Variants in ANKRD44 observed in about 807,000 individuals in gnomAD.
ANKRD44 encodes ankyrin repeat domain 44.
Under a neutral mutation model 116.0 loss-of-function variants are expected in ANKRD44, and 35 were observed. The ratio of observed to expected loss-of-function variants is 0.30; its 90% CI spans 0.23 to 0.40. ANKRD44 has a LOEUF of 0.40. Ranked by LOEUF, ANKRD44 falls within the 10% of genes least tolerant of loss-of-function variation. The pLI is 1.00. For missense variants in ANKRD44, 1,014 were observed against 1,242.6 expected (o/e 0.82, Z 2.77); for synonymous variants, 435 against 461.8 (o/e 0.94, Z 0.74).
chr2:197,154,713 G>A (rs912741393), intron 2 of ANKRD44, among the ~76,000 whole-genome samples: 1 of 152,074 alleles, frequency 6.6e-6, no homozygotes, highest in African/African-American at 2.4e-5. Context: ...GTTACCATAA[G>A]AGAAAAATTT....
chr2:197,175,916 G>A (rs1574204773), intron 2 of ANKRD44, among the ~76,000 whole-genome samples: 1 of 152,120 alleles, frequency 6.6e-6, no homozygotes, highest in Non-Finnish European at 1.5e-5. Context: ...TTCATAATAG[G>A]AACCCTGATT....
At chr2:197,077,623 T>C (rs1253286669) in intron 16 of ANKRD44, among the ~76,000 whole-genome samples, 3 of 152,192 alleles carry the variant, frequency 2.0e-5, no homozygotes, top group South Asian at 2.1e-4. Context: ...TAGGAATACA[T>C]AAAACTTTCT....
chr2:197,223,614 A>C (rs1488131362), intron 1 of ANKRD44, among the ~76,000 whole-genome samples: 1 of 152,168 alleles, frequency 6.6e-6, no homozygotes, highest in African/African-American at 2.4e-5. Flanking sequence ...CTCTTGCATT[A>C]ATTTCCTTTT....
chr2:196,989,061 G>A lies in ANKRD44; in HGVS notation c.*530C>T. 1.0e-6 allele frequency: 1 copy of A among 985,370 alleles called. No individual in the cohort carries two copies. The highest frequency in any genetic ancestry group is 1.2e-6 in the Non-Finnish European group (1 of 829,976). The allele number at this position is 985,370 out of a possible 1,614,324, so 61.0% of individuals were successfully genotyped here. Reference sequence around the variant, plus strand: ...CGCGGAAGAACCTGAGGGTCATCTGGAAACCTTAGCAGTGGAAATGCTAGG... The same window carrying A: ...CGCGGAAGAACCTGAGGGTCATCTGAAAACCTTAGCAGTGGAAATGCTAGG... On this transcript the variant is annotated 3_prime_UTR_variant, in exon 28 of 28. Transcript: ENST00000282272.
At chr2:197,063,749 G>A (rs1379902440) in intron 16 of ANKRD44, among the ~76,000 whole-genome samples, 1 of 152,128 alleles carries the variant, frequency 6.6e-6, no homozygotes, top group Non-Finnish European at 1.5e-5. Flanking sequence ...GAGAAGTTTA[G>A]AGAAAAAAGA....
At chr2:197,242,589 T>TA (rs946182561) in intron 1 of ANKRD44, among the ~76,000 whole-genome samples, 4 of 152,120 alleles carry the variant, frequency 2.6e-5, no homozygotes, top group Non-Finnish European at 4.4e-5. Context: ...AGGTTCACCT[T>TA]AAAAAAAGGG....
At position 197,100,519 on chromosome 2, in the gene ANKRD44, CA is replaced by C. The variant is rs1342764126; in HGVS notation, c.986-590del. ...TCTTAGTTAAGAATCCAAAATCTCA[CA>C]ACTAAATGCCTGCTCTGAATGAAGA... is the stretch of plus-strand genomic sequence containing the variant. On this transcript the variant is annotated intron_variant, in intron 9 of 27. Transcript: ENST00000282272. Among the ~76,000 whole-genome samples the C allele has an allele frequency of 7.9e-5, 12 of 152,338 alleles. No homozygotes were observed. The East Asian group carries it at 2.3e-3, about 29-fold the overall frequency.
At chr2:197,242,833 C>T (rs112395232) in intron 1 of ANKRD44, among the ~76,000 whole-genome samples, 88 of 152,304 alleles carry the variant, frequency 5.8e-4, no homozygotes, top group African/African-American at 2.0e-3. Context: ...CTCTCTACAG[C>T]CCAAAGGGGA....
At chr2:197,209,978 G>A (rs200280627) in intron 1 of ANKRD44, among the ~76,000 whole-genome samples, 3 of 152,270 alleles carry the variant, frequency 2.0e-5, no homozygotes, top group East Asian at 1.9e-4. Context: ...GCCAGGAACC[G>A]CACAGAGACC....
intron 14 of ANKRD44, 25 bp downstream of exon 14, chr2:197,083,344 G>T: frequency 6.2e-7 from 1 of 1,602,970 alleles, no homozygotes; most frequent in African/African-American, 1.3e-5. Context: ...GTTCCCAGAG[G>T]AAGCATGAGC....
chr2:197,045,231 T>A (rs891692714), intron 16 of ANKRD44, among the ~76,000 whole-genome samples: 14 of 152,136 alleles, frequency 9.2e-5, no homozygotes, highest in African/African-American at 2.7e-4. Context: ...CCTGAGCTGA[T>A]AATTCTGTCT....
intron 16 of ANKRD44, among the ~76,000 whole-genome samples, chr2:197,043,904 G>C (rs1178519689): frequency 6.6e-6 from 1 of 152,102 alleles, no homozygotes; most frequent in Admixed American, 6.5e-5. Context: ...GGTTAGATAA[G>C]AATGATCTAT....
chr2:197,078,898 C>A (rs1038747480), intron 15 of ANKRD44, 84 bp from the exon 16 acceptor site: 2 of 1,376,060 alleles, frequency 1.5e-6, no homozygotes, highest in Admixed American at 2.1e-5. Flanking sequence ...CTATTACGAA[C>A]GTTCCATGAA....
At chr2:197,283,345 A>T (rs1254183420) in intron 1 of ANKRD44, among the ~76,000 whole-genome samples, 1 of 152,238 alleles carries the variant, frequency 6.6e-6, no homozygotes, top group African/African-American at 2.4e-5. Flanking sequence ...TTCAACCAAT[A>T]AATATTTATT....
At chr2:197,126,066 C>T (rs758679717) in intron 4 of ANKRD44, 29 bp from the exon 5 acceptor site, 2 of 1,610,932 alleles carry the variant, frequency 1.2e-6, no homozygotes, top group South Asian at 2.2e-5. Flanking sequence ...TTGCAGAGGT[C>T]ACTGACAGAC....
chr2:197,093,560 C>G, intron 10 of ANKRD44, among the ~76,000 whole-genome samples: 1 of 152,056 alleles, frequency 6.6e-6, no homozygotes, highest in East Asian at 1.9e-4. Flanking sequence ...AAAACAGATT[C>G]GCATAGACTC....
chr2:197,253,216 C>A (rs1412549555), intron 1 of ANKRD44, among the ~76,000 whole-genome samples: 1 of 152,034 alleles, frequency 6.6e-6, no homozygotes, highest in East Asian at 1.9e-4. Context: ...GATTTTTATA[C>A]TTCAGGGAAA....
intron 4 of ANKRD44, chr2:197,136,075 C>T: frequency 6.1e-6 from 1 of 163,084 alleles, no homozygotes; most frequent in Non-Finnish European, 1.3e-5. Flanking sequence ...AAGCCCTCTG[C>T]CATCTGGCCC....
At chr2:197,288,065 C>G (rs530899973) in intron 1 of ANKRD44, among the ~76,000 whole-genome samples, 11 of 149,892 alleles carry the variant, frequency 7.3e-5, no homozygotes, top group Admixed American at 7.3e-4. Context: ...AAAAAGATAT[C>G]TGATGTACTC....
Sources: allele counts gnomAD v4.1 joint callset (sites outside exome capture counted in the v4.1 genomes callset), GRCh38; gene constraint gnomAD v4.1.1; transcripts MANE v1.5; gene names NCBI Gene and HGNC (gene_info 2026-07-23, HGNC 2026-07-21).